The following ITGA8 variants were observed in gnomAD, a reference collection of about 807,000 sequenced individuals.
ITGA8 encodes the protein integrin alpha-8.
ITGA8 carries 91 observed loss-of-function variants against 142.3 expected under a neutral mutation model. That is an observed-to-expected ratio of 0.64 (90% CI 0.54 to 0.76). The LOEUF is 0.76. Ranked by LOEUF, ITGA8 falls within the 30% of genes least tolerant of loss-of-function variation. The probability of loss-of-function intolerance (pLI) is 0.00; values close to 1 mark genes in which losing one functional copy is unlikely to be tolerated. For synonymous variants in ITGA8, 505 were observed against 485.2 expected (o/e 1.04, Z -0.54); for missense variants, 1,406 against 1,327.7 (o/e 1.06, Z -0.92).
chr10:15,664,907 G>A (rs1012924227), intron 8 of ITGA8, among the ~76,000 whole-genome samples: 2 of 151,996 alleles, frequency 1.3e-5, no homozygotes, highest in African/African-American at 2.4e-5. Context: ...TCTTAATCCA[G>A]TCTATCATTG....
chr10:15,598,087 C>T (rs537374586), intron 20 of ITGA8, among the ~76,000 whole-genome samples: 4 of 152,252 alleles, frequency 2.6e-5, no homozygotes, highest in South Asian at 2.1e-4. Context: ...TTTCCCATAC[C>T]GCAAACCCTA....
chr10:15,698,780 T>C (rs1835104217), intron 2 of ITGA8, among the ~76,000 whole-genome samples: 1 of 152,194 alleles, frequency 6.6e-6, no homozygotes, highest in African/African-American at 2.4e-5. Flanking sequence ...GCTGATTTGT[T>C]TGAGTTCTTT....
chr10:15,651,096 G>A (rs966560133), intron 11 of ITGA8, among the ~76,000 whole-genome samples: 1 of 152,002 alleles, frequency 6.6e-6, no homozygotes, highest in African/African-American at 2.4e-5. Flanking sequence ...GTCCTGCAGA[G>A]GTTAGAAACA....
chr10:15,662,268 A>C (rs925198179), intron 8 of ITGA8, among the ~76,000 whole-genome samples: 1 of 151,724 alleles, frequency 6.6e-6, no homozygotes, highest in Non-Finnish European at 1.5e-5. Flanking sequence ...ATTCAGTTGC[A>C]AGAAAAAATA....
intron 26 of ITGA8, among the ~76,000 whole-genome samples, chr10:15,554,535 T>C (rs542089665): frequency 6.6e-6 from 1 of 152,094 alleles, no homozygotes; most frequent in Non-Finnish European, 1.5e-5. Context: ...GTGTCTGTCC[T>C]CCCCACCATG....
chr10:15,556,946 A>G (rs78093470), intron 26 of ITGA8, among the ~76,000 whole-genome samples: 1 of 152,318 alleles, frequency 6.6e-6, no homozygotes, highest in East Asian at 1.9e-4. Context: ...CTTTTTATGG[A>G]CATGGTCTAC....
At chr10:15,607,577 T>A in intron 17 of ITGA8, 100 bp downstream of exon 17, 1 of 1,095,502 alleles carries the variant, frequency 9.1e-7, no homozygotes, top group Non-Finnish European at 1.4e-6. Context: ...AACAGACAGA[T>A]GGGGGTCTAT....
chr10:15,517,170 G>T lies in ITGA8; in HGVS notation c.3180C>A (p.Thr1060=). 6.2e-7 allele frequency: 1 copy of T among 1,612,238 alleles called. No homozygotes were observed. ...TTTTTTTTTCTTGTCATGCCTCAGG[G>T]GTCTTGTCATTTGTCAGCTGTTCCC... is the stretch of plus-strand genomic sequence containing the variant. ...TDREQLTNDK[T]PEA is the part of the protein sequence containing the mutation. The change falls in exon 30 of 30, where the codon ACC becomes ACA. Residue 1060 remains threonine, a synonymous_variant. Coordinates refer to ENST00000378076, the MANE Select transcript of ITGA8 (RefSeq NM_003638.3).
intron 27 of ITGA8, among the ~76,000 whole-genome samples, chr10:15,543,455 C>T (rs1311900605): frequency 6.6e-6 from 1 of 152,190 alleles, no homozygotes; most frequent in Non-Finnish European, 1.5e-5. Flanking sequence ...ATCTCCAGCC[C>T]CACTCAAGCC....
intron 2 of ITGA8, among the ~76,000 whole-genome samples, chr10:15,702,024 C>G (rs776677988): frequency 1.4e-4 from 22 of 152,122 alleles, no homozygotes; most frequent in Non-Finnish European, 2.5e-4. Flanking sequence ...AAGAAAAGGA[C>G]CTGGATTGAT....
At chr10:15,714,965 A>G (rs1432964469) in intron 2 of ITGA8, among the ~76,000 whole-genome samples, 2 of 152,222 alleles carry the variant, frequency 1.3e-5, no homozygotes, top group African/African-American at 4.8e-5. Flanking sequence ...GTAGGGTAAA[A>G]GACCAGGAAA....
At chr10:15,683,300 T>A (rs1029531717) in intron 4 of ITGA8, among the ~76,000 whole-genome samples, 25 of 140,614 alleles carry the variant, frequency 1.8e-4, no homozygotes, top group East Asian at 8.6e-4. Context: ...CATCCACCCA[T>A]CCACCCACCC....
chr10:15,718,617 G>C (rs1421031177), intron 2 of ITGA8, 149 bp downstream of exon 2: 1 of 962,820 alleles, frequency 1.0e-6, no homozygotes, highest in Non-Finnish European at 1.5e-6. Context: ...TGAAAAAACT[G>C]ATTTCTCTAG....
chr10:15,527,866 A>G (rs1008400344), intron 28 of ITGA8, among the ~76,000 whole-genome samples: 8 of 144,854 alleles, frequency 5.5e-5, no homozygotes, highest in African/African-American at 1.6e-4. Flanking sequence ...ACCATTTCCA[A>G]TGGATTCTAC....
intron 11 of ITGA8, among the ~76,000 whole-genome samples, chr10:15,651,192 G>A (rs949042865): frequency 1.5e-4 from 22 of 151,578 alleles, no homozygotes; most frequent in East Asian, 1.9e-4. Flanking sequence ...CTCAAAAGCC[G>A]TAAGAAAAAA....
At chr10:15,584,884 C>T (rs1038444447) in intron 23 of ITGA8, among the ~76,000 whole-genome samples, 1 of 152,048 alleles carries the variant, frequency 6.6e-6, no homozygotes, top group African/African-American at 2.4e-5. Flanking sequence ...TGGTGAAACC[C>T]TGTCTCTACT....
rs1400210935 is a variant in ITGA8 at position 15,604,270 on chromosome 10, C to T, written c.2056G>A (p.Ala686Thr). The change falls in exon 20 of 30, where the codon GCT (alanine) becomes ACT (threonine). Residue 686 changes from alanine (A) to threonine (T), a missense_variant. Transcript: ENST00000378076. Reference protein sequence around the residue: ...ARNEGEGAYEAELFVMIPEEA... With the variant: ...ARNEGEGAYETELFVMIPEEA... ...TCTGGTATCATTACAAAGAGTTCAG[C>T]TTCATATGCTCCTTCCCCTTCATTT... The T allele has an allele frequency of 5.0e-6, 8 of 1,613,372 alleles. No homozygotes were observed. The highest frequency in any genetic ancestry group is 6.8e-6 in the Non-Finnish European group (8 of 1,179,548).
chr10:15,530,541 C>CAAA (rs57521125), intron 28 of ITGA8, among the ~76,000 whole-genome samples: 56,495 of 75,222 alleles, frequency 0.75, 22,656 homozygotes, highest in Middle Eastern at 0.85. Flanking sequence ...GCGAGACTCT[C>CAAA]AAAAAAAAAA....
rs1032701385 is a variant in ITGA8, at chr10:15,516,075, G to A, written c.*1083C>T. 3 of 152,034 alleles carry A rather than the reference G, an allele frequency of 2.0e-5. No homozygotes were observed. The highest frequency in any genetic ancestry group is 4.8e-5 in the African/African-American group (2 of 41,416). 9.4% of individuals were successfully genotyped at this position (152,034 alleles called of 1,614,324 possible). ...AAGTACAAGGCATAGCAGGAAAAAC[G>A]GGTATTTAATCCCAAGCTAAATATC... On this transcript the variant is annotated 3_prime_UTR_variant, in exon 30 of 30. Coordinates refer to ENST00000378076, the MANE Select transcript of ITGA8 (RefSeq NM_003638.3).
Sources: allele counts gnomAD v4.1 joint callset (sites outside exome capture counted in the v4.1 genomes callset), GRCh38; gene constraint gnomAD v4.1.1; transcripts MANE v1.5; gene names NCBI Gene and HGNC (gene_info 2026-07-23, HGNC 2026-07-21).